RAB38: variants seen among roughly 807,000 people sequenced by gnomAD.
The protein encoded by RAB38 is RAB38, member RAS oncogene family, also known as ras-related protein Rab-38.
A neutral mutation model predicts 18.4 loss-of-function variants in RAB38; 15 were observed. The ratio of observed to expected loss-of-function variants is 0.82; its 90% confidence interval spans 0.55 to 1.26. The LOEUF is 1.26. Among genes scored for constraint, RAB38 ranks in the 50% most tolerant of loss-of-function variants. RAB38 has a pLI of 0.00. For synonymous variants in RAB38, 101 were observed against 104.4 expected, an observed-to-expected ratio of 0.97 and a Z score of 0.20; for missense variants, 294 against 267.4, an observed-to-expected ratio of 1.10 and a Z score of -0.69.
intron 1 of RAB38, among the ~76,000 whole-genome samples, chr11:88,168,104 A>T (rs1285398691): frequency 6.6e-6 from 1 of 152,086 alleles, no homozygotes; most frequent in Non-Finnish European, 1.5e-5. Context: ...TTAACACCAA[A>T]CCACTTTTAC....
chr11:88,163,791 A>T (rs987645722), intron 1 of RAB38, among the ~76,000 whole-genome samples: 1 of 152,140 alleles, frequency 6.6e-6, no homozygotes, highest in Non-Finnish European at 1.5e-5. Flanking sequence ...CATGTGATAT[A>T]TATGTGTGTA....
chr11:88,052,457 T>C, the RAB38 span, among the ~76,000 whole-genome samples: 1 of 152,150 alleles, frequency 6.6e-6, no homozygotes, highest in Admixed American at 6.5e-5. Flanking sequence ...CATTGAATCA[T>C]ATAAAAACCA....
chr11:88,016,519 T>C, the RAB38 span, among the ~76,000 whole-genome samples: 1 of 152,070 alleles, frequency 6.6e-6, no homozygotes, highest in Non-Finnish European at 1.5e-5. Context: ...GGGGCACAGA[T>C]GTTCTCTCCC....
At chr11:88,054,506 T>C in the RAB38 span, among the ~76,000 whole-genome samples, 2 of 152,262 alleles carry the variant, frequency 1.3e-5, no homozygotes, top group African/African-American at 2.4e-5. Context: ...ATGGTTTTAA[T>C]GCTGAGAACT....
chr11:88,123,209 C>A (rs1481055558), intron 2 of RAB38, among the ~76,000 whole-genome samples: 2 of 152,178 alleles, frequency 1.3e-5, no homozygotes, highest in African/African-American at 4.8e-5. Flanking sequence ...ACCCACTGGT[C>A]AGTATGTAAT....
chr11:87,913,660 G>C, the RAB38 span, among the ~76,000 whole-genome samples: 1 of 152,062 alleles, frequency 6.6e-6, no homozygotes, highest in African/African-American at 2.4e-5. Context: ...TGAATCTCTT[G>C]TGAATGGTTT....
chr11:87,834,606 A>T, the RAB38 span, among the ~76,000 whole-genome samples: 1 of 152,166 alleles, frequency 6.6e-6, no homozygotes, highest in Non-Finnish European at 1.5e-5. Context: ...AGTCAACAGA[A>T]TTTGGGGCGA....
the RAB38 span, among the ~76,000 whole-genome samples, chr11:88,046,417 A>T: frequency 6.6e-6 from 1 of 152,102 alleles, no homozygotes; most frequent in Non-Finnish European, 1.5e-5. Context: ...ACAACCCGTT[A>T]TTCTGTTCTG....
the RAB38 span, among the ~76,000 whole-genome samples, chr11:88,019,821 T>C: frequency 6.6e-6 from 1 of 152,218 alleles, no homozygotes; most frequent in Non-Finnish European, 1.5e-5. Context: ...GAGTCTTGTA[T>C]GACCTATCTA....
chr11:87,890,923 G>A, the RAB38 span, among the ~76,000 whole-genome samples: 1,594 of 151,878 alleles, frequency 0.01, 30 homozygotes, highest in African/African-American at 0.032. Context: ...AAAAATATTC[G>A]TAAGAATGTC....
chr11:88,005,291 T>G, the RAB38 span, among the ~76,000 whole-genome samples: 7 of 151,234 alleles, frequency 4.6e-5, no homozygotes, highest in African/African-American at 1.7e-4. Flanking sequence ...GACATACAGA[T>G]TAGTTGTAAG....
chr11:88,058,927 C>A, the RAB38 span, among the ~76,000 whole-genome samples: 23 of 152,304 alleles, frequency 1.5e-4, no homozygotes, highest in South Asian at 4.8e-3. Flanking sequence ...CTTGGCACTG[C>A]AGGTAAGTAC....
chr11:88,070,419 G>A, the RAB38 span, among the ~76,000 whole-genome samples: 5 of 152,198 alleles, frequency 3.3e-5, no homozygotes, highest in South Asian at 4.1e-4. Context: ...AACACTCACC[G>A]CGAGGGTCCG....
the RAB38 span, among the ~76,000 whole-genome samples, chr11:88,043,442 CCT>C: frequency 6.6e-6 from 1 of 152,024 alleles, no homozygotes; most frequent in Non-Finnish European, 1.5e-5. Flanking sequence ...TAAGCCATCC[CCT>C]GTGACCTGCA....
At chr11:88,175,105 G>A (rs1943366926) in intron 1 of RAB38, 78 bp downstream of exon 1, 1 of 1,417,704 alleles carries the variant, frequency 7.1e-7, no homozygotes, top group Non-Finnish European at 9.4e-7. Context: ...TCTCACGCTT[G>A]GCCGCAAGCC....
intron 2 of RAB38, among the ~76,000 whole-genome samples, chr11:88,135,524 A>C (rs1159079529): frequency 2.6e-5 from 4 of 152,270 alleles, no homozygotes; most frequent in Admixed American, 6.5e-5. Context: ...CAAATGGTAG[A>C]GAAGATATAT....
At chr11:88,123,446 A>C (rs951258355) in intron 2 of RAB38, among the ~76,000 whole-genome samples, 4 of 152,226 alleles carry the variant, frequency 2.6e-5, no homozygotes, top group African/African-American at 9.6e-5. Context: ...GTAAAAAAGA[A>C]AACATGTTCA....
chr11:87,896,613 A>G, the RAB38 span, among the ~76,000 whole-genome samples: 21 of 151,732 alleles, frequency 1.4e-4, no homozygotes, highest in South Asian at 4.2e-3. Flanking sequence ...AAAGAAAAAT[A>G]AAAAAACAGA....
At chr11:88,022,186 C>G in the RAB38 span, among the ~76,000 whole-genome samples, 1 of 151,592 alleles carries the variant, frequency 6.6e-6, no homozygotes, top group Non-Finnish European at 1.5e-5. Context: ...AAGGATGGCT[C>G]GACATGCAAA....
Sources: allele counts gnomAD v4.1 joint callset (sites outside exome capture counted in the v4.1 genomes callset), GRCh38; gene constraint gnomAD v4.1.1; transcripts MANE v1.5; gene names NCBI Gene and HGNC (gene_info 2026-07-23, HGNC 2026-07-21).